Variants in ANTXR2 observed in about 807,000 individuals in gnomAD.
ANTXR2 encodes the protein ANTXR cell adhesion molecule 2, also known as anthrax toxin receptor 2.
In ANTXR2, 44 loss-of-function variants were observed where a neutral mutation model predicts 73.7. That is an observed-to-expected ratio of 0.60 (90% confidence interval 0.47 to 0.77). The LOEUF (loss-of-function observed/expected upper bound fraction) is 0.77, where lower values mean the gene tolerates loss of function less well. Among genes scored for constraint, ANTXR2 ranks in the 30% least tolerant of loss-of-function variants. ANTXR2 has a pLI of 0.00. For synonymous variants in ANTXR2, 217 were observed against 205.9 expected, an observed-to-expected ratio of 1.05 and a Z score of -0.46; for missense variants, 604 against 592.5, an observed-to-expected ratio of 1.02 and a Z score of -0.20.
At chr4:79,965,934 T>G (rs1729344093) in intron 16 of ANTXR2, among the ~76,000 whole-genome samples, 2 of 152,176 alleles carry the variant, frequency 1.3e-5, no homozygotes, top group South Asian at 4.1e-4. Flanking sequence ...ATATAAAATC[T>G]TTCATGAATT....
intron 7 of ANTXR2, among the ~76,000 whole-genome samples, chr4:80,046,541 T>A (rs757282018): frequency 6.6e-6 from 1 of 151,848 alleles, no homozygotes; most frequent in Non-Finnish European, 1.5e-5. Flanking sequence ...TTCACTCTGA[T>A]GCAAACATTA....
chr4:80,037,086 C>T lies in ANTXR2; in HGVS notation c.637-1054G>A, dbSNP rs560858128. Among the ~76,000 whole-genome samples the T allele has an allele frequency of 5.9e-4, 90 of 152,234 alleles. 2 individuals carry two copies. In the South Asian group the frequency reaches 0.018, roughly 30 times the overall value. ...ACAACTGAAAAACAATGATGAAATACGCTGCTCCTCATGGACAACAATCCT... is the reference window on the plus strand; with the variant it reads ...ACAACTGAAAAACAATGATGAAATATGCTGCTCCTCATGGACAACAATCCT... On this transcript the variant is annotated intron_variant, in intron 7 of 16. Transcript: ENST00000403729.
At chr4:80,017,555 G>A (rs902494794) in intron 11 of ANTXR2, among the ~76,000 whole-genome samples, 10 of 151,996 alleles carry the variant, frequency 6.6e-5, no homozygotes, top group Non-Finnish European at 1.5e-4. Flanking sequence ...CATCCCACAT[G>A]AGTCATTTAG....
At position 80,033,499 on chromosome 4, in the gene ANTXR2, A is replaced by C; in HGVS notation, c.769T>G (p.Tyr257Asp). 1 of 1,599,768 alleles carries C rather than the reference A, an allele frequency of 6.3e-7. No individual in the cohort carries two copies. The highest frequency in any genetic ancestry group is 8.5e-7 in the Non-Finnish European group (1 of 1,174,480). ...GTTGTATATGTTTCATTTACAGTGT[A>C]AGTGCAGAGAACACTGCCATTCCGA... The part of the protein sequence containing the change: ...GSRNGSVLCT[Y>D]TVNETYTTSV... Residue 257 changes from tyrosine to aspartate, a missense_variant, in exon 9 of 17, where the codon TAC (tyrosine) becomes GAC (aspartate). Tyr to Asp is a radical substitution (Grantham distance 160, BLOSUM62 -3). Transcript: ENST00000403729.
chr4:79,909,041 A>C (rs894169836), intron 16 of ANTXR2, among the ~76,000 whole-genome samples: 2 of 152,202 alleles, frequency 1.3e-5, no homozygotes, highest in Non-Finnish European at 2.9e-5. Flanking sequence ...CTTCTAAAAC[A>C]CAGTAGTATA....
intron 12 of ANTXR2, among the ~76,000 whole-genome samples, chr4:79,995,557 G>A (rs1730684272): frequency 6.6e-6 from 1 of 151,814 alleles, no homozygotes; most frequent in Non-Finnish European, 1.5e-5. Context: ...TTAACTGTAG[G>A]TCCTTGTCAA....
chr4:80,025,578 ATTATGGTGAC>A (rs1231573834), intron 10 of ANTXR2, among the ~76,000 whole-genome samples: 8 of 152,218 alleles, frequency 5.3e-5, no homozygotes, highest in East Asian at 3.8e-4. Flanking sequence ...AGTTATTACA[ATTATGGTGAC>A]TTAAGATATT....
chr4:80,048,675 A>C (rs1426082255), intron 7 of ANTXR2, among the ~76,000 whole-genome samples: 1 of 151,730 alleles, frequency 6.6e-6, no homozygotes, highest in Non-Finnish European at 1.5e-5. Flanking sequence ...TTCTATGAAA[A>C]TGATTTGCCT....
chr4:79,964,952 A>G (rs1023153357), intron 16 of ANTXR2: 1 of 152,198 alleles, frequency 6.6e-6, no homozygotes. Flanking sequence ...TGGCGCGCGG[A>G]AGAGAGCGCG....
rs1311142923 is a variant in ANTXR2 at position 80,055,080 on chromosome 4, G to T, written c.555+70C>A. On this transcript the variant is annotated intron_variant, in intron 6 of 16. Coordinates refer to ENST00000403729, the MANE Select transcript of ANTXR2 (RefSeq NM_058172.6). ...AGTGTCACAATGTCATCAGTGAAAAGAATTTGTTAAACTATCCTTAAGACA... is the reference window on the plus strand; with the variant it reads ...AGTGTCACAATGTCATCAGTGAAAATAATTTGTTAAACTATCCTTAAGACA... 4 of 1,391,250 alleles carry T rather than the reference G, an allele frequency of 2.9e-6. No homozygotes were observed. In the African/African-American group the frequency reaches 4.4e-5, roughly 15 times the overall value. 86.2% of individuals were successfully genotyped at this position (1,391,250 alleles called of 1,614,324 possible).
chr4:80,050,308 C>T (rs1282419406), intron 7 of ANTXR2, among the ~76,000 whole-genome samples: 1 of 151,642 alleles, frequency 6.6e-6, no homozygotes, highest in Non-Finnish European at 1.5e-5. Flanking sequence ...TTGTGTGCTA[C>T]ACTATCTAAA....
At position 80,055,465 on chromosome 4, in the gene ANTXR2, C is replaced by T. The variant is rs375943338; in HGVS notation, c.381G>A (p.Ala127=). ...ETYIHEGLKL[A]NEQIQKAGGL... The stretch of plus-strand genomic sequence containing the variant: ...CTCCTGCTTTCTGAATTTGTTCATT[C>T]GCCTGAAAATGAAGAATAATTATCC... The change falls in exon 5 of 17, where the codon GCG becomes GCA. Residue 127 remains alanine, a splice_region_variant and synonymous_variant. Transcript: ENST00000403729. 17 of 1,606,114 alleles carry T rather than the reference C, an allele frequency of 1.1e-5. No homozygotes were observed. Among genetic ancestry groups the T allele is most frequent in the Admixed American group, 5.0e-5 (3 of 59,414 alleles).
intron 3 of ANTXR2, among the ~76,000 whole-genome samples, chr4:80,060,657 A>C (rs1379749019): frequency 6.6e-6 from 1 of 152,148 alleles, no homozygotes; most frequent in Non-Finnish European, 1.5e-5. Flanking sequence ...TAAATGTCCT[A>C]TTTTGTTATT....
chr4:80,041,623 C>T (rs1015613295), intron 7 of ANTXR2, among the ~76,000 whole-genome samples: 3 of 151,980 alleles, frequency 2.0e-5, no homozygotes, highest in Non-Finnish European at 4.4e-5. Context: ...TCTCTCCCCA[C>T]CCCACCCTCA....
At chr4:80,067,958 C>G (rs1380147193) in intron 3 of ANTXR2, among the ~76,000 whole-genome samples, 2 of 152,036 alleles carry the variant, frequency 1.3e-5, no homozygotes, top group African/African-American at 4.8e-5. Context: ...CCTGCATGCC[C>G]TGCACATGTA....
intron 16 of ANTXR2, among the ~76,000 whole-genome samples, chr4:79,914,128 C>T (rs1302526474): frequency 6.6e-6 from 1 of 151,962 alleles, no homozygotes; most frequent in East Asian, 1.9e-4. Flanking sequence ...TGGAAAATTG[C>T]TATTAAGGAT....
chr4:80,002,491 T>C (rs963728631), intron 12 of ANTXR2, among the ~76,000 whole-genome samples: 2 of 152,136 alleles, frequency 1.3e-5, no homozygotes, highest in African/African-American at 2.4e-5. Flanking sequence ...ATTCAGGACA[T>C]AGGCATGGGC....
chr4:79,950,113 TTTAAA>T (rs1321546976), intron 16 of ANTXR2, among the ~76,000 whole-genome samples: 1 of 147,562 alleles, frequency 6.8e-6, no homozygotes, highest in Non-Finnish European at 1.5e-5. Context: ...GTTCACTTCT[TTTAAA>T]TTAAATAGTC....
intron 11 of ANTXR2, 121 bp from the exon 12 acceptor site, chr4:80,008,737 T>A: frequency 1.9e-6 from 1 of 527,332 alleles, no homozygotes. Flanking sequence ...CAAACTAGAT[T>A]TTAACTATAT....
Sources: allele counts gnomAD v4.1 joint callset (sites outside exome capture counted in the v4.1 genomes callset), GRCh38; gene constraint gnomAD v4.1.1; transcripts MANE v1.5; gene names NCBI Gene and HGNC (gene_info 2026-07-23, HGNC 2026-07-21).